RYR2: variants seen among roughly 807,000 people sequenced by gnomAD.
RYR2 encodes ryanodine receptor 2.
RYR2 carries 227 observed loss-of-function variants against 601.1 expected under a neutral mutation model. That is an observed-to-expected ratio of 0.38 (90% CI 0.34 to 0.42). The LOEUF (loss-of-function observed/expected upper bound fraction) is 0.42, where lower values mean the gene tolerates loss of function less well. Ranked by LOEUF, RYR2 falls within the 10% of genes least tolerant of loss-of-function variation. The pLI is 1.00. For synonymous variants in RYR2, 2,223 were observed against 2,175.1 expected (o/e 1.02, Z -0.61); for missense variants, 4,646 against 6,156.5 (o/e 0.75, Z 8.21).
intron 1 of RYR2, among the ~76,000 whole-genome samples, chr1:237,207,430 G>A (rs1372283905): frequency 6.6e-6 from 1 of 152,218 alleles, no homozygotes; most frequent in Non-Finnish European, 1.5e-5. Context: ...GCTGGGCATG[G>A]TGGTGGGCAC....
At chr1:237,503,861 C>T (rs139556618) in intron 22 of RYR2, among the ~76,000 whole-genome samples, 1,525 of 152,220 alleles carry the variant, frequency 0.01, 29 homozygotes, top group African/African-American at 0.033. Flanking sequence ...GCGCCCACCA[C>T]CACACCTGGC....
chr1:237,107,183 C>T (rs948354693), intron 1 of RYR2, among the ~76,000 whole-genome samples: 6 of 152,014 alleles, frequency 3.9e-5, no homozygotes, highest in Non-Finnish European at 1.5e-5. Context: ...CATCAATGGA[C>T]AACATATACT....
At chr1:237,777,765 A>G (rs1694782543) in intron 87 of RYR2, among the ~76,000 whole-genome samples, 1 of 152,240 alleles carries the variant, frequency 6.6e-6, no homozygotes, top group Non-Finnish European at 1.5e-5. Flanking sequence ...TAACATCTTA[A>G]CAAGTTTATC....
intron 24 of RYR2, among the ~76,000 whole-genome samples, chr1:237,527,179 T>C (rs1031410161): frequency 6.6e-6 from 1 of 152,204 alleles, no homozygotes; most frequent in Admixed American, 6.5e-5. Flanking sequence ...TTTTGTACCA[T>C]TACCATGCTG....
Position 237,566,664 on chromosome 1 carries a change from A to G in RYR2, c.3312A>G (p.Glu1104=). The part of the protein sequence containing the change: ...YAVKAGRWYF[E]FETVTAGDMR... The stretch of plus-strand genomic sequence containing the variant: ...TGAAGGCCGGACGGTGGTATTTTGA[A>G]TTTGAGACGGTCACTGCTGGAGACA... Residue 1104 remains glutamate, a synonymous_variant, in exon 28 of 105, where the codon GAA becomes GAG. Transcript: ENST00000366574. The G allele has an allele frequency of 2.5e-6, 4 of 1,613,914 alleles. No individual in the cohort carries two copies. The highest frequency in any genetic ancestry group is 3.4e-6 in the Non-Finnish European group (4 of 1,179,876).
intron 25 of RYR2, among the ~76,000 whole-genome samples, chr1:237,547,529 T>C (rs1365297780): frequency 2.6e-5 from 4 of 152,090 alleles, no homozygotes; most frequent in African/African-American, 9.7e-5. Flanking sequence ...CAGAAACAGA[T>C]CCTGACCTCA....
At chr1:237,387,947 C>A (rs373821416) in intron 9 of RYR2, 140 bp from the exon 10 acceptor site, 3 of 686,956 alleles carry the variant, frequency 4.4e-6, no homozygotes, top group Non-Finnish European at 4.9e-6. Context: ...CACTGTCTAT[C>A]TCTGTGACCT....
At chr1:237,478,669 C>T (rs1222839410) in intron 17 of RYR2, among the ~76,000 whole-genome samples, 1 of 152,136 alleles carries the variant, frequency 6.6e-6, no homozygotes, top group Non-Finnish European at 1.5e-5. Flanking sequence ...TTAATCTACA[C>T]AATAACTTTA....
chr1:237,329,000 A>G (rs1696437592), intron 2 of RYR2, among the ~76,000 whole-genome samples: 3 of 152,272 alleles, frequency 2.0e-5, no homozygotes, highest in South Asian at 2.1e-4. Context: ...TGGACTGCAT[A>G]CTGGATCCTG....
intron 76 of RYR2, 116 bp from the exon 77 acceptor site, chr1:237,730,138 TAGAGAA>T (rs1221223353): frequency 9.6e-6 from 6 of 627,418 alleles, no homozygotes; most frequent in Non-Finnish European, 1.7e-5. Flanking sequence ...GAGTCAAGAA[TAGAGAA>T]TTTATTTCTA....
chr1:237,681,357 A>G (rs537222140), intron 62 of RYR2, among the ~76,000 whole-genome samples: 1 of 152,318 alleles, frequency 6.6e-6, no homozygotes, highest in South Asian at 2.1e-4. Context: ...TACGGTCTCC[A>G]CCTATTAGAC....
intron 1 of RYR2, among the ~76,000 whole-genome samples, chr1:237,148,780 C>T (rs1040316643): frequency 5.9e-5 from 9 of 151,876 alleles, no homozygotes; most frequent in Admixed American, 5.2e-4. Flanking sequence ...ATAATTATAC[C>T]GACTTCGTAG....
chr1:237,795,877 C>CACAT (rs1191097661), intron 96 of RYR2, among the ~76,000 whole-genome samples: 6 of 96,556 alleles, frequency 6.2e-5, no homozygotes, highest in East Asian at 3.4e-4. Flanking sequence ...TATATATACA[C>CACAT]ATATATATAT....
chr1:237,517,942 C>T (rs1666721576), intron 24 of RYR2, among the ~76,000 whole-genome samples: 1 of 151,992 alleles, frequency 6.6e-6, no homozygotes, highest in Non-Finnish European at 1.5e-5. Flanking sequence ...TTTTTTATAC[C>T]TTCAAATCTC....
intron 4 of RYR2, 107 bp downstream of exon 4, chr1:237,356,092 T>C: frequency 1.1e-6 from 1 of 940,046 alleles, no homozygotes. Context: ...ACTATTAGTG[T>C]TCAAACTAAC....
At chr1:237,624,921 T>C (rs981576494) in intron 39 of RYR2, among the ~76,000 whole-genome samples, 1 of 152,168 alleles carries the variant, frequency 6.6e-6, no homozygotes, top group Non-Finnish European at 1.5e-5. Flanking sequence ...ATTTGGTTTA[T>C]GAATGAAGTA....
At chr1:237,082,536 TATATATATATATATATATATAA>T (rs1665839710) in intron 1 of RYR2, among the ~76,000 whole-genome samples, 2 of 113,612 alleles carry the variant, frequency 1.8e-5, no homozygotes, top group Admixed American at 8.7e-5. Flanking sequence ...TATATATATA[TATATATATATATATATATATAA>T]AATCGGATAT....
At chr1:237,513,401 A>G (rs986432330) in intron 24 of RYR2, among the ~76,000 whole-genome samples, 2 of 152,182 alleles carry the variant, frequency 1.3e-5, no homozygotes, top group Non-Finnish European at 2.9e-5. Flanking sequence ...TTTTGTTAAG[A>G]GTAGTAAGGA....
chr1:237,752,462 TA>T (rs11336558), intron 80 of RYR2, among the ~76,000 whole-genome samples: 41,715 of 142,746 alleles, frequency 0.29, 5,720 homozygotes, highest in Middle Eastern at 0.34. Flanking sequence ...TTTATTTAAT[TA>T]AAAAAAAAAA....
Sources: allele counts gnomAD v4.1 joint callset (sites outside exome capture counted in the v4.1 genomes callset), GRCh38; gene constraint gnomAD v4.1.1; transcripts MANE v1.5; gene names NCBI Gene and HGNC (gene_info 2026-07-23, HGNC 2026-07-21).